The following IRF2BP2 variants were observed in gnomAD, a reference collection of about 807,000 sequenced individuals.
IRF2BP2 encodes the protein interferon regulatory factor 2-binding protein 2.
IRF2BP2 carries 13 observed loss-of-function variants against 32.7 expected under a neutral mutation model. That is an observed-to-expected ratio of 0.40 (90% CI 0.26 to 0.63). The LOEUF is 0.63. Among genes scored for constraint, IRF2BP2 ranks in the 30% least tolerant of loss-of-function variants. The pLI, the probability that IRF2BP2 is intolerant of heterozygous loss-of-function variation, is 0.42. For synonymous variants in IRF2BP2, 555 were observed against 384.6 expected, an observed-to-expected ratio of 1.44 and a Z score of -5.18; for missense variants, 980 against 830.6, an observed-to-expected ratio of 1.18 and a Z score of -2.21.
In IRF2BP2 at chr1:234,608,053, CTG is replaced by C. The variant is rs1057484128; in HGVS notation, c.1049-203_1049-202del. 66 of 574,604 alleles carry C rather than the reference CTG, an allele frequency of 1.1e-4. No individual in the cohort carries two copies. The African/African-American group carries it at 1.2e-3, about 11-fold the overall frequency. The allele number at this position is 574,604 out of a possible 1,614,324, so 35.6% of individuals were successfully genotyped here. A position where few individuals can be genotyped will look rare whatever the true frequency, so the allele number is the denominator to read the frequency against. ...GCGTACGGGATTCTGAGGCAGCAGA[CTG>C]ATTTAAAATGGAGCCACTGAAAATG... On this transcript the variant is annotated intron_variant, in intron 1 of 1. Transcript: ENST00000366609.
Position 234,606,376 on chromosome 1 carries a change from G to A in IRF2BP2, c.*761C>T, listed in dbSNP as rs1193962017. 6.6e-6 allele frequency: 1 copy of A among 151,812 alleles called. No individual in the cohort carries two copies. Among genetic ancestry groups the A allele is most frequent in the African/African-American group, 2.4e-5 (1 of 41,312 alleles). The allele number at this position is 151,812 out of a possible 1,614,324, so 9.4% of individuals were successfully genotyped here. A position where few individuals can be genotyped will look rare whatever the true frequency, so the allele number is the denominator to read the frequency against. ...ATAACCGCCTTCCATCACTGGAATTGTATCTTATGTAACCAACTAGCATGC... is the reference window on the plus strand; with the variant it reads ...ATAACCGCCTTCCATCACTGGAATTATATCTTATGTAACCAACTAGCATGC... On this transcript the variant is annotated 3_prime_UTR_variant, in exon 2 of 2. Transcript: ENST00000366609.
Position 234,609,265 on chromosome 1 carries a change from G to A in IRF2BP2, c.230C>T (p.Ala77Val), listed in dbSNP as rs1433079229. The change falls in exon 1 of 2, where the codon GCC becomes GTC. Residue 77 changes from alanine to valine, a missense_variant. Ala to Val is a moderately conservative substitution (Grantham distance 64, BLOSUM62 0). Coordinates refer to ENST00000366609, the MANE Select transcript of IRF2BP2 (RefSeq NM_182972.3). The part of the protein sequence containing the change: ...PEGRSPPGAA[A>V]SAAAKPPPLS... ...CGGCGGCGGCTTGGCGGCGGCCGAG[G>A]CCGCGGCGCCGGGTGGGGAGCGACC... The A allele has an allele frequency of 1.4e-6, 2 of 1,383,750 alleles. No homozygotes were observed. Among genetic ancestry groups the A allele is most frequent in the African/African-American group, 1.5e-5 (1 of 65,564 alleles). The allele number at this position is 1,383,750 out of a possible 1,614,324, so 85.7% of individuals were successfully genotyped here. A position where few individuals can be genotyped will look rare whatever the true frequency, so the allele number is the denominator to read the frequency against.
chr1:234,608,809 G>A lies in IRF2BP2; in HGVS notation c.686C>T (p.Pro229Leu). 1.4e-6 allele frequency: 2 copies of A among 1,399,318 alleles called. No individual in the cohort carries two copies. The highest frequency in any genetic ancestry group is 1.8e-6 in the Non-Finnish European group (2 of 1,085,776). 86.7% of individuals were successfully genotyped at this position (1,399,318 alleles called of 1,614,324 possible). A position where few individuals can be genotyped will look rare whatever the true frequency, so the allele number is the denominator to read the frequency against. Residue 229 changes from proline (P) to leucine (L), a missense_variant, in exon 1 of 2, where the codon CCC becomes CTC. Pro to Leu is a moderately conservative substitution (Grantham distance 98). Coordinates refer to ENST00000366609, the MANE Select transcript of IRF2BP2 (RefSeq NM_182972.3). The part of the protein sequence containing the change: ...TAAASLGSAQ[P>L]TDLGAHKRPA... The stretch of plus-strand genomic sequence containing the variant: ...CCGCTTGTGGGCGCCCAGATCGGTG[G>A]GCTGCGCGGAGCCCAGGCTGGCGGC...
chr1:234,609,161 G>A lies in IRF2BP2; in HGVS notation c.334C>T (p.Gln112Ter). The A allele has an allele frequency of 7.9e-7, 1 of 1,272,620 alleles. No homozygotes were observed. The highest frequency in any genetic ancestry group is 9.9e-7 in the Non-Finnish European group (1 of 1,012,922). The allele number at this position is 1,272,620 out of a possible 1,614,324, so 78.8% of individuals were successfully genotyped here. ...GGPEAAPRAPQALERYPLAAA... is the reference protein window; with the variant it reads ...GGPEAAPRAP ...GCCAACGGGTAGCGCTCCAAGGCCTGCGGCGCGCGCGGGGCCGCCTCGGGG... is the reference window on the plus strand; with the variant it reads ...GCCAACGGGTAGCGCTCCAAGGCCTACGGCGCGCGCGGGGCCGCCTCGGGG... The change falls in exon 1 of 2, where the codon CAG becomes TAG. Residue 112 changes from glutamine to a stop codon, truncating the protein, a stop_gained. Transcript: ENST00000366609. LOFTEE classifies it high-confidence loss of function.
chr1:234,609,849 G>A lies in IRF2BP2; in HGVS notation c.-355C>T, dbSNP rs1672298485. Among the ~76,000 whole-genome samples the A allele has an allele frequency of 7.1e-6, 1 of 141,638 alleles. No homozygotes were observed. Among genetic ancestry groups the A allele is most frequent in the African/African-American group, 2.5e-5 (1 of 39,594 alleles). 92.9% of individuals were successfully genotyped at this position (141,638 alleles called of 152,430 possible). A position where few individuals can be genotyped will look rare whatever the true frequency, so the allele number is the denominator to read the frequency against. ...CGGCGGGCCTCCAGACCGGGGCGAA[G>A]ACGGGCCGCGCGGGCGCGGGGGAGC... On this transcript the variant is annotated 5_prime_UTR_variant, in exon 1 of 2. Coordinates refer to ENST00000366609, the MANE Select transcript of IRF2BP2 (RefSeq NM_182972.3).
chr1:234,607,151 C>T lies in IRF2BP2; in HGVS notation c.1750G>A (p.Glu584Lys). 6.2e-7 allele frequency: 1 copy of T among 1,607,736 alleles called. No individual in the cohort carries two copies. The highest frequency in any genetic ancestry group is 2.2e-5 in the East Asian group (1 of 44,700). Residue 584 changes from glutamate to lysine, a missense_variant, in exon 2 of 2, where the codon GAG (glutamate) becomes AAG (lysine). Glu to Lys is a moderately conservative substitution (Grantham distance 56). Coordinates refer to ENST00000366609, the MANE Select transcript of IRF2BP2 (RefSeq NM_182972.3). ...ILAGDVKVKK[E>K]RDS ...AACCGGAAAAGTCACGAGTCTCTCT[C>T]TTTTTTCACTTTCACATCTCCAGCA...
chr1:234,608,058 T>A, intron 1 of IRF2BP2: 1 of 570,388 alleles, frequency 1.8e-6, no homozygotes, highest in Non-Finnish European at 3.1e-6. Flanking sequence ...GCAGACTGAT[T>A]TAAAATGGAG....
In IRF2BP2 at chr1:234,608,859, G is replaced by A. The variant is rs937875672; in HGVS notation, c.636C>T (p.Ser212=). 3.8e-6 allele frequency: 5 copies of A among 1,323,104 alleles called. No homozygotes were observed. The highest frequency in any genetic ancestry group is 1.5e-5 in the African/African-American group (1 of 64,644). The allele number at this position is 1,323,104 out of a possible 1,614,324, so 82.0% of individuals were successfully genotyped here. The change falls in exon 1 of 2, where the codon TCC becomes TCT. Residue 212 remains serine, a synonymous_variant. Transcript: ENST00000366609. ...CCGCGGTTCCGGACACCGCGGCTAAGGAGGCGGCAGCGCGGCCGCCGAGGC... is the reference window on the plus strand; with the variant it reads ...CCGCGGTTCCGGACACCGCGGCTAAAGAGGCGGCAGCGCGGCCGCCGAGGC... ...ALGLGGRAAA[S]LAAVSGTAAA...
At position 234,607,722 on chromosome 1, in the gene IRF2BP2, A is replaced by G; in HGVS notation, c.1179T>C (p.Pro393=). 6.2e-7 allele frequency: 1 copy of G among 1,614,180 alleles called. No homozygotes were observed. The highest frequency in any genetic ancestry group is 8.5e-7 in the Non-Finnish European group (1 of 1,180,028). Residue 393 remains proline (P), a synonymous_variant, in exon 2 of 2, where the codon CCT becomes CCC. Coordinates refer to ENST00000366609, the MANE Select transcript of IRF2BP2 (RefSeq NM_182972.3). ...STEGLKIPMT[P]TSSFVSPPPP... is the part of the protein sequence containing the mutation. ...GTGGCGGAGACACAAAAGAGGATGT[A>G]GGAGTCATGGGGATCTTGAGCCCCT...
At position 234,607,882 on chromosome 1, in the gene IRF2BP2, G is replaced by GGT. The variant is rs750450952; in HGVS notation, c.1049-32_1049-31dup. On this transcript the variant is annotated intron_variant, in intron 1 of 1. Coordinates refer to ENST00000366609, the MANE Select transcript of IRF2BP2 (RefSeq NM_182972.3). ...AAACACAAAGAAATAAAAGGAAAAA[G>GGT]GTAACATAAGTGGCGGTGCACTGAA... is the stretch of plus-strand genomic sequence containing the variant. 3 of 1,494,704 alleles carry GGT rather than the reference G, an allele frequency of 2.0e-6. No homozygotes were observed. The African/African-American group carries it at 4.2e-5, about 21-fold the overall frequency. 92.6% of individuals were successfully genotyped at this position (1,494,704 alleles called of 1,614,324 possible). A position where few individuals can be genotyped will look rare whatever the true frequency, so the allele number is the denominator to read the frequency against.
Position 234,606,499 on chromosome 1 carries a change from C to CTGAAAATTT in IRF2BP2, c.*629_*637dup, listed in dbSNP as rs1672164381. On this transcript the variant is annotated 3_prime_UTR_variant, in exon 2 of 2. Transcript: ENST00000366609. The stretch of plus-strand genomic sequence containing the variant: ...AAAAACCCCAAAAGACCACACAATC[C>CTGAAAATTT]TGAAAATTTCCCAGCAGCACTCTCA... 1 of 152,060 alleles carries CTGAAAATTT rather than the reference C, an allele frequency of 6.6e-6. No homozygotes were observed. Among genetic ancestry groups the CTGAAAATTT allele is most frequent in the Non-Finnish European group, 1.5e-5 (1 of 68,040 alleles). 9.4% of individuals were successfully genotyped at this position (152,060 alleles called of 1,614,324 possible). A position where few individuals can be genotyped will look rare whatever the true frequency, so the allele number is the denominator to read the frequency against.
rs1364243123 is a variant in IRF2BP2 at position 234,604,465 on chromosome 1, TAAAAA to T, written c.*2667_*2671del. 2 of 152,162 alleles carry T rather than the reference TAAAAA, an allele frequency of 1.3e-5. No homozygotes were observed. The highest frequency in any genetic ancestry group is 4.2e-4 in the South Asian group (2 of 4,816). The allele number at this position is 152,162 out of a possible 1,614,324, so 9.4% of individuals were successfully genotyped here. On this transcript the variant is annotated 3_prime_UTR_variant, in exon 2 of 2. Transcript: ENST00000366609. ...TATAGAAAAAGTATCACCTTCAACT[TAAAAA>T]AAGTAAAGGTTAAAAGGTGGCACAC...
chr1:234,607,047 G>T lies in IRF2BP2; in HGVS notation c.*90C>A. 1.1e-6 allele frequency: 1 copy of T among 940,882 alleles called. No individual in the cohort carries two copies. The highest frequency in any genetic ancestry group is 1.6e-6 in the Non-Finnish European group (1 of 617,378). The allele number at this position is 940,882 out of a possible 1,614,324, so 58.3% of individuals were successfully genotyped here. ...TGTTTATGAAGTCTACATTTCCCTT[G>T]TCTTGGATATATATATATATGGAGA... is the stretch of plus-strand genomic sequence containing the variant. On this transcript the variant is annotated 3_prime_UTR_variant, in exon 2 of 2. Transcript: ENST00000366609.
At position 234,605,280 on chromosome 1, in the gene IRF2BP2, CA is replaced by C. The variant is rs1393201371; in HGVS notation, c.*1856del. ...CTGCATTTCTGCATGTGTGCATTCA[CA>C]TAAGAGAGACCAGTCTGCACTGAGT... On this transcript the variant is annotated 3_prime_UTR_variant, in exon 2 of 2. Transcript: ENST00000366609. 1.3e-5 allele frequency: 2 copies of C among 152,238 alleles called. No individual in the cohort carries two copies. The highest frequency in any genetic ancestry group is 1.3e-4 in the Admixed American group (2 of 15,282). 9.4% of individuals were successfully genotyped at this position (152,238 alleles called of 1,614,324 possible).
intron 1 of IRF2BP2, 22 bp from the exon 2 acceptor site, chr1:234,607,874 A>G (rs1410636036): frequency 1.1e-5 from 16 of 1,518,758 alleles, no homozygotes; most frequent in Non-Finnish European, 1.8e-6. Context: ...AAGAAATAAA[A>G]GGAAAAAGGT....
rs755232537 is a variant in IRF2BP2, at chr1:234,608,991, C to A, written c.504G>T (p.Pro168=). 83 of 1,351,226 alleles carry A rather than the reference C, an allele frequency of 6.1e-5. No individual in the cohort carries two copies. Among genetic ancestry groups the A allele is most frequent in the Middle Eastern group, 2.2e-4 (1 of 4,608 alleles). The allele number at this position is 1,351,226 out of a possible 1,614,324, so 83.7% of individuals were successfully genotyped here. A position where few individuals can be genotyped will look rare whatever the true frequency, so the allele number is the denominator to read the frequency against. ...VPNGFSKLEE[P]PELNRQSPNP... is the part of the protein sequence containing the mutation. ...TCGGGCTCTGGCGATTCAGCTCGGG[C>A]GGCTCCTCTAGCTTGGAGAAGCCGT... The change falls in exon 1 of 2, where the codon CCG becomes CCT. Residue 168 remains proline (P), a synonymous_variant. Coordinates refer to ENST00000366609, the MANE Select transcript of IRF2BP2 (RefSeq NM_182972.3).
rs1672119015 is a variant in IRF2BP2 at position 234,604,833 on chromosome 1, G to A, written c.*2304C>T. 1 of 152,166 alleles carries A rather than the reference G, an allele frequency of 6.6e-6. No homozygotes were observed. Among genetic ancestry groups the A allele is most frequent in the Non-Finnish European group, 1.5e-5 (1 of 68,024 alleles). The allele number at this position is 152,166 out of a possible 1,614,324, so 9.4% of individuals were successfully genotyped here. ...CCGATGTTAACTTTTTAACTTAAAA[G>A]AATGCCAGAAAACCCAGATCAACAC... On this transcript the variant is annotated 3_prime_UTR_variant, in exon 2 of 2. Transcript: ENST00000366609.
In IRF2BP2 at chr1:234,606,426, A is replaced by C. The variant is rs959458276; in HGVS notation, c.*711T>G. 1.3e-5 allele frequency: 2 copies of C among 152,102 alleles called. No individual in the cohort carries two copies. The highest frequency in any genetic ancestry group is 4.8e-5 in the African/African-American group (2 of 41,412). 9.4% of individuals were successfully genotyped at this position (152,102 alleles called of 1,614,324 possible). A position where few individuals can be genotyped will look rare whatever the true frequency, so the allele number is the denominator to read the frequency against. On this transcript the variant is annotated 3_prime_UTR_variant, in exon 2 of 2. Transcript: ENST00000366609. ...CAGCATTGTAATCTTACAACTGATC[A>C]CGTGGACAGTGAACAGCGGTCAACT... is the stretch of plus-strand genomic sequence containing the variant.
chr1:234,609,198 A>T lies in IRF2BP2; in HGVS notation c.297T>A (p.Leu99=). ...KDILLQQQQQ[L]GHGGPEAAPR... Reference sequence around the variant, plus strand: ...GGGCCGCCTCGGGGCCGCCGTGGCCAAGCTGCTGCTGCTGCTGCAAAAGGA... The same window carrying T: ...GGGCCGCCTCGGGGCCGCCGTGGCCTAGCTGCTGCTGCTGCTGCAAAAGGA... The change falls in exon 1 of 2, where the codon CTT becomes CTA. Residue 99 remains leucine (L), a synonymous_variant. Transcript: ENST00000366609. The T allele has an allele frequency of 7.7e-7, 1 of 1,304,242 alleles. No individual in the cohort carries two copies. The highest frequency in any genetic ancestry group is 2.2e-5 in the South Asian group (1 of 45,040). 80.8% of individuals were successfully genotyped at this position (1,304,242 alleles called of 1,614,324 possible).
Sources: allele counts gnomAD v4.1 joint callset (sites outside exome capture counted in the v4.1 genomes callset), GRCh38; gene constraint gnomAD v4.1.1; transcripts MANE v1.5; gene names NCBI Gene and HGNC (gene_info 2026-07-23, HGNC 2026-07-21).